HS3ST4: variants seen among roughly 807,000 people sequenced by gnomAD.
HS3ST4 encodes the protein heparan sulfate glucosamine 3-O-sulfotransferase 4.
Under a neutral mutation model 29.2 loss-of-function variants are expected in HS3ST4, and 17 were observed. The ratio of observed to expected loss-of-function variants is 0.58; its 90% CI spans 0.40 to 0.87. The LOEUF (loss-of-function observed/expected upper bound fraction) is 0.87, where lower values mean the gene tolerates loss of function less well. HS3ST4 is among the 40% of genes least tolerant of loss of function. The pLI, the probability that HS3ST4 is intolerant of heterozygous loss-of-function variation, is 0.00. For missense variants in HS3ST4, 627 were observed against 634.5 expected (o/e 0.99, Z 0.13); for synonymous variants, 314 against 285.7 (o/e 1.10, Z -1.00).
chr16:25,745,307 A>G (rs76766450), intron 1 of HS3ST4, among the ~76,000 whole-genome samples: 1,829 of 152,250 alleles, frequency 0.012, 35 homozygotes, highest in African/African-American at 0.041. Context: ...TTGTCCTCCC[A>G]TTGAGCATCA....
intron 1 of HS3ST4, among the ~76,000 whole-genome samples, chr16:25,809,700 A>T (rs1211056287): frequency 6.6e-6 from 1 of 152,004 alleles, no homozygotes; most frequent in African/African-American, 2.4e-5. Flanking sequence ...GGACTATTCA[A>T]TTTTTTTGTT....
At chr16:25,890,671 G>A (rs149892108) in intron 1 of HS3ST4, among the ~76,000 whole-genome samples, 36 of 152,154 alleles carry the variant, frequency 2.4e-4, no homozygotes, top group Middle Eastern at 3.4e-3. Context: ...ACCTCTCTGG[G>A]GAAATTGAGC....
intron 1 of HS3ST4, among the ~76,000 whole-genome samples, chr16:25,705,666 A>T (rs187008780): frequency 1.1e-3 from 169 of 152,314 alleles, no homozygotes; most frequent in Non-Finnish European, 1.9e-3. Flanking sequence ...CCATCCCAAA[A>T]AAAAATAAAA....
intron 1 of HS3ST4, among the ~76,000 whole-genome samples, chr16:25,748,549 T>C (rs566836880): frequency 3.9e-5 from 6 of 152,138 alleles, no homozygotes; most frequent in Non-Finnish European, 7.3e-5. Context: ...ATCAAAAAGC[T>C]CCATGATAAA....
chr16:26,132,299 A>G (rs906932401), intron 1 of HS3ST4, among the ~76,000 whole-genome samples: 1 of 152,220 alleles, frequency 6.6e-6, no homozygotes, highest in Non-Finnish European at 1.5e-5. Context: ...CTTCTCACTG[A>G]CAAAATAACT....
chr16:25,734,404 C>T (rs1036336054), intron 1 of HS3ST4, among the ~76,000 whole-genome samples: 3 of 152,162 alleles, frequency 2.0e-5, no homozygotes, highest in African/African-American at 4.8e-5. Flanking sequence ...AGGGCCCAGG[C>T]TCCCAGAGAG....
intron 1 of HS3ST4, among the ~76,000 whole-genome samples, chr16:26,088,451 C>G (rs1169229970): frequency 6.6e-6 from 1 of 152,070 alleles, no homozygotes; most frequent in East Asian, 1.9e-4. Context: ...GTAACAGTGG[C>G]TTGGTTGGTT....
rs1209247529 is a variant in HS3ST4, at chr16:25,836,315, G to A, written c.734+143164G>A. Among the ~76,000 whole-genome samples, 3 of 152,296 alleles carry A rather than the reference G, an allele frequency of 2.0e-5. No homozygotes were observed. In the South Asian group the frequency reaches 6.2e-4, roughly 32 times the overall value. ...TGGGGGCCAGGCAGTCTGTGTCGTA[G>A]ACATGTAGACAGGAAGTTCATATCC... is the stretch of plus-strand genomic sequence containing the variant. On this transcript the variant is annotated intron_variant, in intron 1 of 1. Coordinates refer to ENST00000331351, the MANE Select transcript of HS3ST4 (RefSeq NM_006040.3).
chr16:26,085,547 G>C (rs769020087), intron 1 of HS3ST4, among the ~76,000 whole-genome samples: 1 of 152,106 alleles, frequency 6.6e-6, no homozygotes, highest in African/African-American at 2.4e-5. Flanking sequence ...CTGACAGGTA[G>C]TTGGTTATAG....
intron 1 of HS3ST4, among the ~76,000 whole-genome samples, chr16:25,939,304 TTTATTA>T (rs201242715): frequency 4.4e-5 from 5 of 114,580 alleles, no homozygotes; most frequent in East Asian, 2.0e-4. Context: ...GCTGACAGCA[TTTATTA>T]TTATTATTAT....
At chr16:25,760,849 A>C (rs1431266737) in intron 1 of HS3ST4, among the ~76,000 whole-genome samples, 1 of 152,222 alleles carries the variant, frequency 6.6e-6, no homozygotes, top group African/African-American at 2.4e-5. Context: ...AATTCAGCCC[A>C]TAACAGTGAC....
chr16:26,004,716 C>T (rs1969241964), intron 1 of HS3ST4, among the ~76,000 whole-genome samples: 1 of 152,112 alleles, frequency 6.6e-6, no homozygotes, highest in South Asian at 2.1e-4. Context: ...AAACTTAAAT[C>T]ATTTTGGTTA....
chr16:25,905,113 C>T (rs931708518), intron 1 of HS3ST4, among the ~76,000 whole-genome samples: 9 of 151,986 alleles, frequency 5.9e-5, no homozygotes, highest in African/African-American at 2.2e-4. Context: ...GCAAGACCAC[C>T]CTGCCTCATA....
chr16:25,926,224 T>G (rs1968401523), intron 1 of HS3ST4, among the ~76,000 whole-genome samples: 1 of 152,152 alleles, frequency 6.6e-6, no homozygotes, highest in Non-Finnish European at 1.5e-5. Flanking sequence ...TCAATCCCTA[T>G]TCCGACCCCA....
chr16:25,840,269 A>G (rs1379583458), intron 1 of HS3ST4, among the ~76,000 whole-genome samples: 3 of 152,222 alleles, frequency 2.0e-5, no homozygotes, highest in Non-Finnish European at 4.4e-5. Flanking sequence ...CTTTTGTTGC[A>G]AACAGCTGAC....
At chr16:25,972,924 A>ATTAT (rs1326647865) in intron 1 of HS3ST4, among the ~76,000 whole-genome samples, 2 of 152,154 alleles carry the variant, frequency 1.3e-5, no homozygotes, top group African/African-American at 4.8e-5. Context: ...TACTACTCTG[A>ATTAT]TTATTATTTA....
intron 1 of HS3ST4, among the ~76,000 whole-genome samples, chr16:25,818,794 A>G (rs1023706660): frequency 3.9e-5 from 6 of 152,178 alleles, no homozygotes; most frequent in African/African-American, 1.4e-4. Flanking sequence ...GTTCAGTTTT[A>G]ATTTCTTTCT....
chr16:26,133,230 A>G (rs2141817131), intron 1 of HS3ST4, among the ~76,000 whole-genome samples: 1 of 152,260 alleles, frequency 6.6e-6, no homozygotes, highest in Non-Finnish European at 1.5e-5. Context: ...TTGAACCGGC[A>G]TGATCCCAAG....
At chr16:25,875,245 A>G (rs1299166547) in intron 1 of HS3ST4, among the ~76,000 whole-genome samples, 1 of 152,112 alleles carries the variant, frequency 6.6e-6, no homozygotes, top group Non-Finnish European at 1.5e-5. Context: ...TTACTTGTAT[A>G]CCTGGATGTG....
Sources: gnomAD v4.1 joint callset for allele counts (sites outside exome capture counted in the v4.1 genomes callset) on GRCh38, gnomAD v4.1.1 for gene constraint, MANE v1.5 for transcripts, NCBI Gene and HGNC (gene_info 2026-07-23, HGNC 2026-07-21) for gene names.